The following VGLL4 variants were observed in gnomAD, a reference collection of about 807,000 sequenced individuals.
VGLL4 encodes the protein vestigial like family member 4.
VGLL4 carries 7 observed loss-of-function variants against 21.0 expected under a neutral mutation model. The observed-to-expected ratio is 0.33, with a 90% CI of 0.19 to 0.63. The LOEUF (loss-of-function observed/expected upper bound fraction) is 0.63, where lower values mean the gene tolerates loss of function less well. Among genes scored for constraint, VGLL4 ranks in the 20% least tolerant of loss-of-function variants. The pLI is 0.78. For synonymous variants in VGLL4, 222 were observed against 173.2 expected (o/e 1.28, Z -2.21); for missense variants, 394 against 425.7 (o/e 0.93, Z 0.66).
intron 1 of VGLL4, among the ~76,000 whole-genome samples, chr3:11,703,207 G>C (rs534619703): frequency 4.3e-4 from 66 of 152,198 alleles, no homozygotes; most frequent in Non-Finnish European, 9.1e-4. Context: ...CTTGGTTCAG[G>C]GAGAGAGAAA....
At chr3:11,706,309 C>G (rs1271956202) in intron 1 of VGLL4, among the ~76,000 whole-genome samples, 1 of 152,184 alleles carries the variant, frequency 6.6e-6, no homozygotes, top group Non-Finnish European at 1.5e-5. Flanking sequence ...CTGCTGCAAC[C>G]TTATTAATGA....
intron 2 of VGLL4, among the ~76,000 whole-genome samples, chr3:11,595,391 C>G (rs1277326956): frequency 1.3e-5 from 2 of 152,152 alleles, no homozygotes; most frequent in Non-Finnish European, 2.9e-5. Flanking sequence ...GTTGGTGGGA[C>G]TGTAAACTAG....
At chr3:11,709,369 G>A (rs775353971) in intron 1 of VGLL4, among the ~76,000 whole-genome samples, 3 of 150,816 alleles carry the variant, frequency 2.0e-5, no homozygotes, top group Middle Eastern at 3.5e-3. Context: ...CCTGAGAGGC[G>A]GAGGTTGCAG....
At chr3:11,569,391 C>T (rs1052914529) in intron 2 of VGLL4, among the ~76,000 whole-genome samples, 2 of 152,188 alleles carry the variant, frequency 1.3e-5, no homozygotes, top group African/African-American at 2.4e-5. Context: ...GGTGCTCCCA[C>T]CCAGTGAAAG....
In VGLL4 at chr3:11,557,591, C is replaced by CTT. The variant is rs1216674435; in HGVS notation, c.*963_*964dup. The CTT allele has an allele frequency of 6.6e-6, 1 of 152,660 alleles. No homozygotes were observed. Among genetic ancestry groups the CTT allele is most frequent in the Admixed American group, 6.5e-5 (1 of 15,288 alleles). The allele number at this position is 152,660 out of a possible 1,614,324, so 9.5% of individuals were successfully genotyped here. ...AGTAAAGTGAATATCAAATACCAAT[C>CTT]TTAGAGTACAACTGTACCAGCAGTA... On this transcript the variant is annotated 3_prime_UTR_variant, in exon 5 of 5. Coordinates refer to ENST00000430365, the MANE Select transcript of VGLL4 (RefSeq NM_001128219.3).
chr3:11,566,590 G>A (rs1415352967), intron 2 of VGLL4, among the ~76,000 whole-genome samples: 3 of 152,146 alleles, frequency 2.0e-5, no homozygotes, highest in Non-Finnish European at 2.9e-5. Context: ...GTTGTGTTCC[G>A]TAGTTCCAAC....
At chr3:11,610,930 C>T (rs571923061) in intron 1 of VGLL4, among the ~76,000 whole-genome samples, 3 of 152,280 alleles carry the variant, frequency 2.0e-5, no homozygotes, top group East Asian at 3.9e-4. Context: ...GAAGAGCTCC[C>T]GCCTTGCAGC....
chr3:11,628,388 C>CA (rs1158909333), intron 1 of VGLL4, among the ~76,000 whole-genome samples: 1 of 130,594 alleles, frequency 7.7e-6, no homozygotes, highest in Admixed American at 7.8e-5. Context: ...AACTCCGTCT[C>CA]AAAAAACAAA....
At chr3:11,720,037 C>T (rs1202608453) in intron 1 of VGLL4, among the ~76,000 whole-genome samples, 1 of 152,168 alleles carries the variant, frequency 6.6e-6, no homozygotes, top group Non-Finnish European at 1.5e-5. Context: ...GCCCAGGTGC[C>T]CGCCGCGCTC....
chr3:11,586,666 A>G (rs1421826226), intron 2 of VGLL4, among the ~76,000 whole-genome samples: 1 of 152,222 alleles, frequency 6.6e-6, no homozygotes, highest in Non-Finnish European at 1.5e-5. Flanking sequence ...GTTATCTGCA[A>G]ATATTATGCC....
chr3:11,691,021 C>T (rs113738861), intron 2 of VGLL4, among the ~76,000 whole-genome samples: 1,730 of 151,848 alleles, frequency 0.011, 29 homozygotes, highest in African/African-American at 0.037. Context: ...AAACTATACA[C>T]GTATCTAAAT....
At chr3:11,627,230 A>ACACACACACACACACT (rs1491347863) in intron 1 of VGLL4, 3 of 123,322 alleles carry the variant, frequency 2.4e-5, no homozygotes, top group African/African-American at 9.8e-5. Flanking sequence ...ACACACACAC[A>ACACACACACACACACT]CTCTCTCTCT....
intron 2 of VGLL4, among the ~76,000 whole-genome samples, chr3:11,676,985 G>A (rs1177142706): frequency 6.6e-6 from 1 of 152,118 alleles, no homozygotes; most frequent in African/African-American, 2.4e-5. Context: ...CTACCATTAA[G>A]AGATAACTAC....
intron 2 of VGLL4, among the ~76,000 whole-genome samples, chr3:11,662,182 C>G (rs960397931): frequency 2.0e-5 from 3 of 152,276 alleles, no homozygotes; most frequent in Non-Finnish European, 4.4e-5. Context: ...CAAGAAAACC[C>G]CAAGAGAAAT....
chr3:11,638,810 C>A (rs1380078303), intron 1 of VGLL4, among the ~76,000 whole-genome samples: 3 of 152,134 alleles, frequency 2.0e-5, no homozygotes, highest in African/African-American at 7.2e-5. Flanking sequence ...AGCCAGGACT[C>A]CACTCAACCG....
chr3:11,662,685 G>A (rs977441446), intron 2 of VGLL4, among the ~76,000 whole-genome samples: 1 of 152,216 alleles, frequency 6.6e-6, no homozygotes, highest in African/African-American at 2.4e-5. Context: ...ACAGAAGTCT[G>A]CTTTGAGCTT....
chr3:11,705,214 G>A (rs2076741703), intron 1 of VGLL4, among the ~76,000 whole-genome samples: 1 of 152,206 alleles, frequency 6.6e-6, no homozygotes, highest in South Asian at 2.1e-4. Flanking sequence ...GCCGCACCAC[G>A]TGGAACGGAG....
At chr3:11,615,761 A>C (rs1054539482) in intron 1 of VGLL4, among the ~76,000 whole-genome samples, 15 of 152,212 alleles carry the variant, frequency 9.9e-5, no homozygotes, top group African/African-American at 3.6e-4. Context: ...GGGTCCCCAG[A>C]TACAATTCAG....
upstream of VGLL4, among the ~76,000 whole-genome samples, chr3:11,721,563 A>G (rs2124848217): frequency 6.6e-6 from 1 of 152,346 alleles, no homozygotes; most frequent in South Asian, 2.1e-4. Context: ...GTACTCTTAC[A>G]TAGACTCCGT....
Sources: gnomAD v4.1 joint callset for allele counts (sites outside exome capture counted in the v4.1 genomes callset) on GRCh38, gnomAD v4.1.1 for gene constraint, MANE v1.5 for transcripts, NCBI Gene and HGNC (gene_info 2026-07-23, HGNC 2026-07-21) for gene names.